CBLB: variants seen among roughly 807,000 people sequenced by gnomAD.
The protein encoded by CBLB is Cbl proto-oncogene B.
Under a neutral mutation model 104.9 loss-of-function variants are expected in CBLB, and 31 were observed. That is an observed-to-expected ratio of 0.30 (90% CI 0.22 to 0.40). The LOEUF is 0.40. CBLB is among the 10% of genes least tolerant of loss of function. The pLI is 1.00. For missense variants in CBLB, 1,062 were observed against 1,214.6 expected, an observed-to-expected ratio of 0.87 and a Z score of 1.87; for synonymous variants, 440 against 422.6, an observed-to-expected ratio of 1.04 and a Z score of -0.51.
chr3:105,745,748 T>G (rs574293556), intron 6 of CBLB, among the ~76,000 whole-genome samples, 169 bp downstream of exon 6: 1 of 152,156 alleles, frequency 6.6e-6, no homozygotes, highest in Non-Finnish European at 1.5e-5. Flanking sequence ...GTAAGCACAA[T>G]GTATCAATTT....
At chr3:105,812,989 A>G (rs2084507844) in intron 3 of CBLB, among the ~76,000 whole-genome samples, 1 of 152,158 alleles carries the variant, frequency 6.6e-6, no homozygotes, top group South Asian at 2.1e-4. Context: ...TACTAAAAGA[A>G]TTAAATGGTA....
At chr3:105,737,464 A>G (rs2075073344) in intron 7 of CBLB, among the ~76,000 whole-genome samples, 2 of 152,148 alleles carry the variant, frequency 1.3e-5, no homozygotes, top group African/African-American at 4.8e-5. Context: ...TAAGAAATAC[A>G]TAATGAATAT....
intron 2 of CBLB, among the ~76,000 whole-genome samples, chr3:105,853,897 A>C (rs1443445074): frequency 1.3e-5 from 2 of 152,050 alleles, no homozygotes; most frequent in Non-Finnish European, 2.9e-5. Flanking sequence ...TGAACCTCTA[A>C]AGTTTAATTC....
chr3:105,753,683 T>TTGTCAATATTTATTTTGTGTA (rs1295810245), intron 4 of CBLB, among the ~76,000 whole-genome samples: 1 of 152,164 alleles, frequency 6.6e-6, no homozygotes, highest in African/African-American at 2.4e-5. Context: ...AGTGGTCAAA[T>TTGTCAATATTTATTTTGTGTA]TGTCAATATT....
At chr3:105,659,749 C>G (rs908773749) in intron 18 of CBLB, among the ~76,000 whole-genome samples, 4 of 152,066 alleles carry the variant, frequency 2.6e-5, no homozygotes, top group Admixed American at 1.3e-4. Flanking sequence ...TGCTCTAAAA[C>G]AGATGCTCTG....
chr3:105,720,786 C>T (rs1270780828), intron 9 of CBLB, among the ~76,000 whole-genome samples: 2 of 152,272 alleles, frequency 1.3e-5, no homozygotes, highest in South Asian at 2.1e-4. Flanking sequence ...AAAATGTGTA[C>T]ATTTATATTC....
Position 105,743,362 on chromosome 3 carries a change from A to G in CBLB, c.845+2555T>C, listed in dbSNP as rs1453772237. Among the ~76,000 whole-genome samples, 6 of 151,774 alleles carry G rather than the reference A, an allele frequency of 4.0e-5. No individual in the cohort carries two copies. The East Asian group carries it at 9.7e-4, about 25-fold the overall frequency. On this transcript the variant is annotated intron_variant, in intron 6 of 18. Coordinates refer to ENST00000394030, the MANE Select transcript of CBLB (RefSeq NM_170662.5). Reference sequence around the variant, plus strand: ...GTAGTCCCAGCTACTCAGGAGGCTGAGGCATGAGAATCGTTTGAACCCAGG... The same window carrying G: ...GTAGTCCCAGCTACTCAGGAGGCTGGGGCATGAGAATCGTTTGAACCCAGG...
intron 18 of CBLB, among the ~76,000 whole-genome samples, chr3:105,667,545 G>A (rs1340983453): frequency 6.6e-6 from 1 of 151,916 alleles, no homozygotes; most frequent in South Asian, 2.1e-4. Context: ...CCTATGATAC[G>A]TTCATATATT....
chr3:105,726,022 G>A (rs1260375573), intron 9 of CBLB, among the ~76,000 whole-genome samples: 1 of 151,950 alleles, frequency 6.6e-6, no homozygotes, highest in African/African-American at 2.4e-5. Flanking sequence ...CAGTTATTTG[G>A]TATTTTTAGT....
intron 2 of CBLB, among the ~76,000 whole-genome samples, chr3:105,865,254 A>G (rs771323458): frequency 6.6e-6 from 1 of 152,214 alleles, no homozygotes; most frequent in Non-Finnish European, 1.5e-5. Context: ...GTAATTATCA[A>G]TGCCTTTCTA....
At chr3:105,662,437 A>G (rs2063878018) in intron 18 of CBLB, among the ~76,000 whole-genome samples, 1 of 152,180 alleles carries the variant, frequency 6.6e-6, no homozygotes, top group South Asian at 2.1e-4. Context: ...AAAAATAGTT[A>G]TTTTGGAAAA....
chr3:105,811,153 G>A (rs1312658017), intron 3 of CBLB, among the ~76,000 whole-genome samples: 2 of 152,220 alleles, frequency 1.3e-5, no homozygotes, highest in Admixed American at 6.5e-5. Context: ...GTCCTGCTGG[G>A]CAAAAACAAA....
rs1053581747 is a variant in CBLB, at chr3:105,655,893, C to A, written c.*3077G>T. On this transcript the variant is annotated 3_prime_UTR_variant, in exon 19 of 19. Transcript: ENST00000394030. ...TTCTGGAACTGAAAAATTAAAAAAT[C>A]ACATTATGAAGAAATCTTTGCAAGT... is the stretch of plus-strand genomic sequence containing the variant. 1 of 224,126 alleles carries A rather than the reference C, an allele frequency of 4.5e-6. No individual in the cohort carries two copies. Among genetic ancestry groups the A allele is most frequent in the Admixed American group, 5.7e-5 (1 of 17,504 alleles). 13.9% of individuals were successfully genotyped at this position (224,126 alleles called of 1,614,324 possible).
intron 6 of CBLB, among the ~76,000 whole-genome samples, chr3:105,743,484 A>T (rs4894835): frequency 0.91 from 135,043 of 148,782 alleles, 61,405 homozygotes; most frequent in Middle Eastern, 0.93. Context: ...ATTAAAAAAA[A>T]ATATATATAT....
chr3:105,751,442 C>A lies in CBLB; in HGVS notation c.723+20G>T, dbSNP rs1479681631. Reference sequence around the variant, plus strand: ...GAGAGAGAAGAAGGGAATGGATAGACTAAGCAAGTATAAACTTACCTGAAA... The same window carrying A: ...GAGAGAGAAGAAGGGAATGGATAGAATAAGCAAGTATAAACTTACCTGAAA... On this transcript the variant is annotated intron_variant, in intron 5 of 18. Transcript: ENST00000394030. The A allele has an allele frequency of 3.8e-6, 6 of 1,574,420 alleles. No individual in the cohort carries two copies. In the South Asian group the frequency reaches 5.6e-5, roughly 15 times the overall value.
At chr3:105,668,818 C>A (rs1175098185) in intron 18 of CBLB, among the ~76,000 whole-genome samples, 1 of 152,110 alleles carries the variant, frequency 6.6e-6, no homozygotes, top group African/African-American at 2.4e-5. Flanking sequence ...ACCGTACTGA[C>A]AATTCTTAAA....
At chr3:105,662,327 G>A (rs1344694560) in intron 18 of CBLB, among the ~76,000 whole-genome samples, 1 of 152,112 alleles carries the variant, frequency 6.6e-6, no homozygotes, top group Non-Finnish European at 1.5e-5. Flanking sequence ...CTATCTTCTG[G>A]TCCCCTAAGA....
At chr3:105,756,874 G>C (rs1191369974) in intron 4 of CBLB, among the ~76,000 whole-genome samples, 3 of 152,170 alleles carry the variant, frequency 2.0e-5, no homozygotes, top group Non-Finnish European at 4.4e-5. Flanking sequence ...AGTGGGAGGT[G>C]ATCGGATCAT....
chr3:105,666,257 A>T (rs192583130), intron 18 of CBLB, among the ~76,000 whole-genome samples: 2 of 152,212 alleles, frequency 1.3e-5, no homozygotes, highest in Non-Finnish European at 2.9e-5. Flanking sequence ...TTAGAAAAAA[A>T]TATAAATACA....
Sources: allele counts gnomAD v4.1 joint callset (sites outside exome capture counted in the v4.1 genomes callset), GRCh38; gene constraint gnomAD v4.1.1; transcripts MANE v1.5; gene names NCBI Gene and HGNC (gene_info 2026-07-23, HGNC 2026-07-21).